Variants in RGS5 observed in about 807,000 individuals in gnomAD.
RGS5 encodes regulator of G protein signaling 5.
RGS5 carries 20 observed loss-of-function variants against 18.9 expected under a neutral mutation model. The ratio of observed to expected loss-of-function variants is 1.06; its 90% CI spans 0.74 to 1.54. The LOEUF is 1.54. RGS5 is among the 40% of genes most tolerant of loss of function. The pLI, the probability that RGS5 is intolerant of heterozygous loss-of-function variation, is 0.00. For missense variants in RGS5, 201 were observed against 211.8 expected, an observed-to-expected ratio of 0.95 and a Z score of 0.32; for synonymous variants, 57 against 76.2, an observed-to-expected ratio of 0.75 and a Z score of 1.31.
chr1:163,207,181 T>C (rs1006676353), upstream of RGS5, among the ~76,000 whole-genome samples: 1 of 152,198 alleles, frequency 6.6e-6, no homozygotes, highest in Admixed American at 6.5e-5. Flanking sequence ...GGTACTAACA[T>C]AGGAAGTGTA....
At chr1:163,304,790 A>G (rs1274049205) in intron 2 of RGS5, 2 of 152,254 alleles carry the variant, frequency 1.3e-5, no homozygotes, top group African/African-American at 4.8e-5. Flanking sequence ...TGATTCTTCA[A>G]TGATTACCAG....
chr1:163,208,382 A>G (rs1268780389), intron 1 of RGS5, among the ~76,000 whole-genome samples: 11 of 149,706 alleles, frequency 7.3e-5, no homozygotes, highest in Admixed American at 3.3e-4. Flanking sequence ...GGAAAAGAAA[A>G]AAAAGAAAAG....
intron 1 of RGS5, among the ~76,000 whole-genome samples, chr1:163,179,642 G>C (rs1319935242): frequency 6.6e-6 from 1 of 152,134 alleles, no homozygotes; most frequent in Non-Finnish European, 1.5e-5. Flanking sequence ...GGGTGATCTT[G>C]AATATGTTAT....
At chr1:163,189,724 A>C (rs891992774) in intron 1 of RGS5, among the ~76,000 whole-genome samples, 3 of 152,184 alleles carry the variant, frequency 2.0e-5, no homozygotes, top group African/African-American at 7.2e-5. Context: ...AAAGATTAAT[A>C]AAGGGGTCAG....
At chr1:163,162,597 T>C (rs1657852846) in intron 2 of RGS5, among the ~76,000 whole-genome samples, 1 of 151,716 alleles carries the variant, frequency 6.6e-6, no homozygotes, top group Non-Finnish European at 1.5e-5. Context: ...CTCTTTCTAA[T>C]TTAAAAAAAA....
chr1:163,160,500 G>A (rs561579780), intron 3 of RGS5, among the ~76,000 whole-genome samples: 1 of 152,170 alleles, frequency 6.6e-6, no homozygotes, highest in Non-Finnish European at 1.5e-5. Context: ...ATGTGTCAGG[G>A]CAGGGTACTT....
rs199634692 is a variant in RGS5, at chr1:163,259,081, T to C, written c.-281+47152A>G. Among the ~76,000 whole-genome samples the C allele has an allele frequency of 5.3e-5, 8 of 152,296 alleles. No individual in the cohort carries two copies. In the East Asian group the frequency reaches 7.7e-4, roughly 15 times the overall value. On this transcript the variant is annotated intron_variant, in intron 2 of 5. Coordinates refer to the RGS5 transcript ENST00000618415. Reference sequence around the variant, plus strand: ...ACGATGATGCTAGTTTATTTCTTCATTTTGTCAAACAAGGTACCTGACCTC... The same window carrying C: ...ACGATGATGCTAGTTTATTTCTTCACTTTGTCAAACAAGGTACCTGACCTC...
intron 1 of RGS5, among the ~76,000 whole-genome samples, chr1:163,179,885 A>G (rs921482065): frequency 1.1e-4 from 16 of 152,266 alleles, no homozygotes; most frequent in African/African-American, 3.9e-4. Context: ...CTTCTTCCCA[A>G]TATCCCATTT....
rs1647698868 is a variant in RGS5 at position 163,238,680 on chromosome 1, T to A, written c.-281+67553A>T. 1.8e-5 allele frequency: 5 copies of A among 278,692 alleles called. No individual in the cohort carries two copies. The South Asian group carries it at 3.8e-4, about 21-fold the overall frequency. The allele number at this position is 278,692 out of a possible 1,614,324, so 17.3% of individuals were successfully genotyped here. ...GTGGAACTGAAAAAATTTTTGTTGGTAACCATGTAAATCATTTGATTCCCC... is the reference window on the plus strand; with the variant it reads ...GTGGAACTGAAAAAATTTTTGTTGGAAACCATGTAAATCATTTGATTCCCC... On this transcript the variant is annotated intron_variant, in intron 2 of 5. Coordinates refer to the RGS5 transcript ENST00000618415.
intron 2 of RGS5, among the ~76,000 whole-genome samples, chr1:163,289,448 A>G (rs1239033693): frequency 2.0e-5 from 3 of 152,060 alleles, no homozygotes; most frequent in African/African-American, 2.4e-5. Flanking sequence ...CATGAAATGA[A>G]TGGCTGTCTA....
chr1:163,174,539 G>A (rs1474533210), intron 1 of RGS5, among the ~76,000 whole-genome samples: 10 of 152,150 alleles, frequency 6.6e-5, no homozygotes, highest in Non-Finnish European at 5.9e-5. Context: ...TTGCTAACTG[G>A]ACAGAGGTAA....
intron 1 of RGS5, among the ~76,000 whole-genome samples, chr1:163,181,785 G>T (rs531913685): frequency 1.3e-5 from 2 of 152,050 alleles, no homozygotes; most frequent in African/African-American, 4.8e-5. Flanking sequence ...ACTAAGTACC[G>T]TAAAGTTGCT....
At position 163,268,878 on chromosome 1, in the gene RGS5, T is replaced by C. The variant is rs959180480; in HGVS notation, c.-281+37355A>G. 5.9e-5 allele frequency among the ~76,000 whole-genome samples: 9 copies of C among 152,270 alleles called. No homozygotes were observed. In the South Asian group the frequency reaches 1.9e-3, roughly 32 times the overall value. ...TTTAGGAATTTGTTAGTATACTTCT[T>C]TCTCATGACAATCATTTCCATGTCT... On this transcript the variant is annotated intron_variant, in intron 2 of 5. Transcript: ENST00000618415.
chr1:163,297,291 A>G (rs1466540008), intron 2 of RGS5, among the ~76,000 whole-genome samples: 1 of 152,148 alleles, frequency 6.6e-6, no homozygotes, highest in Non-Finnish European at 1.5e-5. Flanking sequence ...AATACAGATA[A>G]TGCGTCAAGG....
In RGS5 at chr1:163,146,556, C is replaced by T. The variant is rs1657136155; in HGVS notation, c.*786G>A. ...ATTCTAAATAATTTGAAAATGGAAA[C>T]ATTTGACCCACAGTCTAGCAGCATA... On this transcript the variant is annotated 3_prime_UTR_variant, in exon 5 of 5. Transcript: ENST00000313961. 1 of 152,034 alleles carries T rather than the reference C, an allele frequency of 6.6e-6. No homozygotes were observed. Among genetic ancestry groups the T allele is most frequent in the Non-Finnish European group, 1.5e-5 (1 of 67,984 alleles). 9.4% of individuals were successfully genotyped at this position (152,034 alleles called of 1,614,324 possible). A position where few individuals can be genotyped will look rare whatever the true frequency, so the allele number is the denominator to read the frequency against.
In RGS5 at chr1:163,145,147, T is replaced by C. The variant is rs889938220; in HGVS notation, c.*2195A>G. 7.9e-5 allele frequency: 12 copies of C among 152,184 alleles called. No individual in the cohort carries two copies. Among genetic ancestry groups the C allele is most frequent in the African/African-American group, 2.2e-4 (9 of 41,446 alleles). The allele number at this position is 152,184 out of a possible 1,614,324, so 9.4% of individuals were successfully genotyped here. A position where few individuals can be genotyped will look rare whatever the true frequency, so the allele number is the denominator to read the frequency against. On this transcript the variant is annotated 3_prime_UTR_variant, in exon 5 of 5. Coordinates refer to ENST00000313961, the MANE Select transcript of RGS5 (RefSeq NM_003617.4). ...CCGCTGAGAGGTCTACCCACTTTCA[T>C]AGGGTGTCCAGTCAATTTGTGAGTA...
intron 1 of RGS5, among the ~76,000 whole-genome samples, chr1:163,200,053 C>T (rs1325654971): frequency 6.6e-6 from 1 of 152,118 alleles, no homozygotes; most frequent in Non-Finnish European, 1.5e-5. Flanking sequence ...GTGTACCTCA[C>T]TTCGTTTACA....
chr1:163,182,112 C>T (rs1658875214), intron 1 of RGS5, among the ~76,000 whole-genome samples: 1 of 152,076 alleles, frequency 6.6e-6, no homozygotes, highest in Admixed American at 6.5e-5. Context: ...ATCACCGTAT[C>T]TTGCATGTAT....
intron 2 of RGS5, among the ~76,000 whole-genome samples, chr1:163,254,338 C>T (rs907232065): frequency 1.0e-3 from 156 of 152,136 alleles, no homozygotes; most frequent in African/African-American, 3.7e-3. Context: ...TTAATGATTG[C>T]CATTCTAACT....
Sources: gnomAD v4.1 joint callset for allele counts (sites outside exome capture counted in the v4.1 genomes callset) on GRCh38, gnomAD v4.1.1 for gene constraint, MANE v1.5 for transcripts, NCBI Gene and HGNC (gene_info 2026-07-23, HGNC 2026-07-21) for gene names.